TCF20: variants seen among roughly 807,000 people sequenced by gnomAD.
TCF20 encodes the protein transcription factor 20.
In TCF20, 3 loss-of-function variants were observed where a neutral mutation model predicts 148.6. The observed-to-expected ratio is 0.02, with a 90% CI of 0.01 to 0.05. The LOEUF (loss-of-function observed/expected upper bound fraction) is 0.05, where lower values mean the gene tolerates loss of function less well. Among genes scored for constraint, TCF20 ranks in the 10% least tolerant of loss-of-function variants. The pLI is 1.00. For missense variants in TCF20, 2,350 were observed against 2,429.3 expected (o/e 0.97, Z 0.69); for synonymous variants, 1,049 against 909.5 (o/e 1.15, Z -2.76).
At chr22:42,229,991 G>C (rs1242831075) in intron 1 of TCF20, among the ~76,000 whole-genome samples, 1 of 152,200 alleles carries the variant, frequency 6.6e-6, no homozygotes, top group Non-Finnish European at 1.5e-5. Flanking sequence ...TCTGCTACTA[G>C]ACTTCCCTCC....
At chr22:42,187,036 C>CT (rs1483065606) in intron 2 of TCF20, among the ~76,000 whole-genome samples, 1 of 152,220 alleles carries the variant, frequency 6.6e-6, no homozygotes, top group African/African-American at 2.4e-5. Context: ...CCAATGACTC[C>CT]TTTGCTGCCT....
intron 2 of TCF20, among the ~76,000 whole-genome samples, chr22:42,202,317 A>C (rs762406334): frequency 5.9e-5 from 9 of 152,270 alleles, no homozygotes; most frequent in Non-Finnish European, 7.3e-5. Context: ...GAAATGTGCC[A>C]AACACTGCTC....
At chr22:42,203,465 A>G (rs1373332555) in intron 2 of TCF20, among the ~76,000 whole-genome samples, 1 of 152,192 alleles carries the variant, frequency 6.6e-6, no homozygotes, top group African/African-American at 2.4e-5. Flanking sequence ...TTATTCTGTA[A>G]GGTAATATAT....
intron 1 of TCF20, among the ~76,000 whole-genome samples, chr22:42,239,005 C>A (rs1408803030): frequency 7.2e-5 from 11 of 152,120 alleles, no homozygotes; most frequent in Admixed American, 5.9e-4. Flanking sequence ...GTAGTCCCAG[C>A]TACTCGGGAG....
intron 2 of TCF20, among the ~76,000 whole-genome samples, chr22:42,180,544 T>C (rs757476518): frequency 7.2e-5 from 11 of 152,290 alleles, no homozygotes; most frequent in African/African-American, 1.2e-4. Context: ...GCTCTTCAGA[T>C]AGCAGAGGCA....
intron 1 of TCF20, among the ~76,000 whole-genome samples, chr22:42,238,955 A>C (rs1435932323): frequency 1.3e-5 from 2 of 151,334 alleles, no homozygotes; most frequent in Admixed American, 6.6e-5. Context: ...GTCTCTACTA[A>C]AAATACAAAA....
Position 42,211,410 on chromosome 22 carries a change from T to G in TCF20, c.3896A>C (p.Tyr1299Ser), listed in dbSNP as rs770998674. ...KEGADKAFNS[Y>S]AHLSHSQDIK... ...ATCCTGACTGTGAGAAAGATGGGCA[T>G]AGGAATTGAATGCTTTATCAGCGCC... The change falls in exon 2 of 6, where the codon TAT becomes TCT. Residue 1299 changes from tyrosine to serine, a missense_variant. Tyr to Ser is a moderately radical substitution (Grantham distance 144). Transcript: ENST00000677622. The G allele has an allele frequency of 1.9e-6, 3 of 1,614,050 alleles. No individual in the cohort carries two copies. Among genetic ancestry groups the G allele is most frequent in the Non-Finnish European group, 2.5e-6 (3 of 1,180,046 alleles).
At chr22:42,244,829 C>T (rs187609997) in intron 1 of TCF20, among the ~76,000 whole-genome samples, 265 of 152,166 alleles carry the variant, frequency 1.7e-3, no homozygotes, top group Admixed American at 3.8e-3. Context: ...CCTGTAATCC[C>T]AACACTTTGG....
At chr22:42,190,764 G>A (rs140276383) in intron 2 of TCF20, among the ~76,000 whole-genome samples, 1,652 of 143,288 alleles carry the variant, frequency 0.012, 27 homozygotes, top group African/African-American at 0.041. Flanking sequence ...CCCACCCTCA[G>A]CTATCTGCTT....
At chr22:42,268,195 A>C (rs134879) in intron 1 of TCF20, among the ~76,000 whole-genome samples, 53,149 of 152,066 alleles carry the variant, frequency 0.35, 10,986 homozygotes, top group South Asian at 0.47. Context: ...TAAATAATAT[A>C]TAAAAATAAA....
At chr22:42,308,196 C>T (rs550111563) in intron 1 of TCF20, among the ~76,000 whole-genome samples, 30 of 152,166 alleles carry the variant, frequency 2.0e-4, no homozygotes, top group African/African-American at 2.9e-4. Context: ...ATGGGGGTGA[C>T]GGAAGCCCTG....
Position 42,239,288 on chromosome 22 carries a change from C to G in TCF20, c.-36-23947G>C, listed in dbSNP as rs561555189. ...GAACAGGAGTTCGAGACCAGCCTAG[C>G]CAATACGGAGAAACCCCGTCTCTAC... On this transcript the variant is annotated intron_variant, in intron 1 of 5. Transcript: ENST00000677622. Among the ~76,000 whole-genome samples the G allele has an allele frequency of 2.6e-5, 4 of 151,426 alleles. No homozygotes were observed. The South Asian group carries it at 8.3e-4, about 32-fold the overall frequency.
At chr22:42,313,478 G>A (rs1927572569) in intron 1 of TCF20, among the ~76,000 whole-genome samples, 1 of 152,120 alleles carries the variant, frequency 6.6e-6, no homozygotes, top group African/African-American at 2.4e-5. Context: ...CCTCCAGGGG[G>A]TGCCTCGATC....
At chr22:42,189,939 G>C (rs773161999) in intron 2 of TCF20, among the ~76,000 whole-genome samples, 3 of 152,160 alleles carry the variant, frequency 2.0e-5, no homozygotes, top group African/African-American at 7.2e-5. Flanking sequence ...GGAAGTTCTC[G>C]GAGTTTTTCA....
At position 42,292,229 on chromosome 22, in the gene TCF20, C is replaced by T. The variant is rs556761830; in HGVS notation, c.-37+51250G>A. 6.6e-6 allele frequency among the ~76,000 whole-genome samples: 1 copy of T among 152,310 alleles called. No homozygotes were observed. The highest frequency in any genetic ancestry group is 1.9e-4 in the East Asian group (1 of 5,182). ...GCACCCCCATTTTGCAAGAAGAAAG[C>T]TCACCCAGGTCCCACGGCGGTAGTA... On this transcript the variant is annotated intron_variant, in intron 1 of 1. Transcript: ENST00000515426. The surrounding 1 kb of genome is among the most constrained non-coding windows in gnomAD (Gnocchi z 4.9).
chr22:42,231,428 G>A (rs1228460198), intron 1 of TCF20, among the ~76,000 whole-genome samples: 2 of 152,180 alleles, frequency 1.3e-5, no homozygotes, highest in African/African-American at 4.8e-5. Flanking sequence ...GTTACAGGGA[G>A]CTATGACTGT....
At chr22:42,193,990 G>C (rs144074286) in intron 2 of TCF20, among the ~76,000 whole-genome samples, 1 of 152,060 alleles carries the variant, frequency 6.6e-6, no homozygotes, top group African/African-American at 2.4e-5. Context: ...GGATGGGACT[G>C]GTCAGATTAT....
chr22:42,196,532 C>T (rs964404621), intron 2 of TCF20, among the ~76,000 whole-genome samples: 1 of 152,184 alleles, frequency 6.6e-6, no homozygotes, highest in African/African-American at 2.4e-5. Flanking sequence ...ATGAATTACA[C>T]TATTATCCTA....
intron 1 of TCF20, among the ~76,000 whole-genome samples, chr22:42,331,174 C>A (rs193196611): frequency 1.3e-5 from 2 of 152,206 alleles, no homozygotes; most frequent in African/African-American, 4.8e-5. Context: ...CCGGCAGCGC[C>A]GCGGAGCGCG....
Sources: allele counts gnomAD v4.1 joint callset (sites outside exome capture counted in the v4.1 genomes callset), GRCh38; gene constraint gnomAD v4.1.1; non-coding constraint Gnocchi (gnomAD v3.1); transcripts MANE v1.5; gene names NCBI Gene and HGNC (gene_info 2026-07-23, HGNC 2026-07-21).